The following ITGA9 variants were observed in gnomAD, a reference collection of about 807,000 sequenced individuals.
ITGA9 encodes integrin alpha-9.
A neutral mutation model predicts 127.8 loss-of-function variants in ITGA9; 56 were observed. The observed-to-expected ratio is 0.44, with a 90% CI of 0.35 to 0.55. ITGA9 has a LOEUF of 0.55. ITGA9 is among the 20% of genes least tolerant of loss of function. The pLI, the probability that ITGA9 is intolerant of heterozygous loss-of-function variation, is 0.00. For missense variants in ITGA9, 1,196 were observed against 1,347.1 expected, an observed-to-expected ratio of 0.89 and a Z score of 1.76; for synonymous variants, 508 against 514.5, an observed-to-expected ratio of 0.99 and a Z score of 0.17.
At chr3:37,604,461 C>A (rs1014208121) in intron 15 of ITGA9, among the ~76,000 whole-genome samples, 2 of 152,192 alleles carry the variant, frequency 1.3e-5, no homozygotes, top group African/African-American at 4.8e-5. Flanking sequence ...AATCTATAGG[C>A]TATTGTGTAT....
At chr3:37,695,090 G>T (rs947770499) in intron 18 of ITGA9, among the ~76,000 whole-genome samples, 1 of 152,162 alleles carries the variant, frequency 6.6e-6, no homozygotes, top group Non-Finnish European at 1.5e-5. Flanking sequence ...CCAAGGTACT[G>T]TTCCATCTCC....
rs532384612 is a variant in ITGA9, at chr3:37,510,883, A to G, written c.897+2256A>G. ...TCTACTAGTGTCTCCAACTAGATTTACCCTGTCATCATCGTTCTGCTTTTG... is the reference window on the plus strand; with the variant it reads ...TCTACTAGTGTCTCCAACTAGATTTGCCCTGTCATCATCGTTCTGCTTTTG... On this transcript the variant is annotated intron_variant, in intron 8 of 27. Coordinates refer to ENST00000264741, the MANE Select transcript of ITGA9 (RefSeq NM_002207.3). Among the ~76,000 whole-genome samples the G allele has an allele frequency of 1.1e-4, 17 of 152,224 alleles. No homozygotes were observed. The East Asian group carries it at 3.3e-3, about 29-fold the overall frequency.
intron 13 of ITGA9, among the ~76,000 whole-genome samples, chr3:37,531,535 C>T (rs370904632): frequency 2.0e-5 from 3 of 152,144 alleles, no homozygotes; most frequent in Middle Eastern, 3.2e-3. Flanking sequence ...CTGCAGAGCT[C>T]TTTTGTGAGA....
At chr3:37,678,217 A>T (rs1194455030) in intron 17 of ITGA9, among the ~76,000 whole-genome samples, 1 of 152,216 alleles carries the variant, frequency 6.6e-6, no homozygotes, top group Non-Finnish European at 1.5e-5. Flanking sequence ...TTATATGACA[A>T]TTCTATGTTT....
intron 1 of ITGA9, among the ~76,000 whole-genome samples, chr3:37,456,228 A>G (rs189644033): frequency 6.6e-6 from 1 of 152,318 alleles, no homozygotes; most frequent in Admixed American, 6.5e-5. Context: ...TGACGTTTGT[A>G]TCAGCTAGGA....
chr3:37,623,048 T>C (rs1237503794), intron 15 of ITGA9, among the ~76,000 whole-genome samples: 2 of 152,198 alleles, frequency 1.3e-5, no homozygotes, highest in African/African-American at 2.4e-5. Flanking sequence ...ATATTTCCTA[T>C]TGAGAGAATA....
chr3:37,670,209 G>T (rs1575186956), intron 17 of ITGA9, among the ~76,000 whole-genome samples: 1 of 151,444 alleles, frequency 6.6e-6, no homozygotes, highest in Non-Finnish European at 1.5e-5. Flanking sequence ...GTGGCTCCTT[G>T]TCAGTCCTGA....
At chr3:37,660,710 G>A (rs1020952581) in intron 17 of ITGA9, among the ~76,000 whole-genome samples, 37 of 152,132 alleles carry the variant, frequency 2.4e-4, no homozygotes, top group African/African-American at 8.4e-4. Flanking sequence ...CCCAAAACTC[G>A]ATGATATGAA....
chr3:37,593,926 G>A lies in ITGA9; in HGVS notation c.1690-35261G>A, dbSNP rs113780488. 3.2e-3 allele frequency among the ~76,000 whole-genome samples: 482 copies of A among 151,472 alleles called. 2 individuals carry two copies. Among genetic ancestry groups the A allele is most frequent in the African/African-American group, 0.011 (457 of 41,304 alleles). Reference sequence around the variant, plus strand: ...GCTTTAGGATATGATGCCCAGAAGGGCTCGAAACTGGCATGACTCAGGAGT... The same window carrying A: ...GCTTTAGGATATGATGCCCAGAAGGACTCGAAACTGGCATGACTCAGGAGT... On this transcript the variant is annotated intron_variant, in intron 15 of 27. Coordinates refer to ENST00000264741, the MANE Select transcript of ITGA9 (RefSeq NM_002207.3).
chr3:37,761,959 G>A (rs1696728105), intron 23 of ITGA9, among the ~76,000 whole-genome samples: 1 of 152,236 alleles, frequency 6.6e-6, no homozygotes, highest in Non-Finnish European at 1.5e-5. Context: ...TAAAACTCAT[G>A]AATAATCCAC....
chr3:37,671,278 A>T (rs1187021714), intron 17 of ITGA9, among the ~76,000 whole-genome samples: 1 of 152,224 alleles, frequency 6.6e-6, no homozygotes, highest in Admixed American at 6.5e-5. Context: ...TTCCTCTGTT[A>T]GCTGGGAACC....
At chr3:37,763,760 C>CA (rs1274004564) in intron 23 of ITGA9, among the ~76,000 whole-genome samples, 1 of 152,166 alleles carries the variant, frequency 6.6e-6, no homozygotes, top group African/African-American at 2.4e-5. Flanking sequence ...TAACCCAAAA[C>CA]AAAAATGAAC....
chr3:37,686,930 G>A (rs954352398), intron 18 of ITGA9, among the ~76,000 whole-genome samples: 1 of 152,150 alleles, frequency 6.6e-6, no homozygotes, highest in Non-Finnish European at 1.5e-5. Context: ...GGCTAGTGAG[G>A]GGCACCAGGA....
intron 18 of ITGA9, among the ~76,000 whole-genome samples, chr3:37,703,190 C>T (rs1276223197): frequency 6.6e-6 from 1 of 152,162 alleles, no homozygotes; most frequent in African/African-American, 2.4e-5. Context: ...ACTGATCTGA[C>T]CAATTAGATA....
chr3:37,661,192 G>A (rs1199164318), intron 17 of ITGA9, among the ~76,000 whole-genome samples: 2 of 152,200 alleles, frequency 1.3e-5, no homozygotes, highest in African/African-American at 2.4e-5. Flanking sequence ...CTGATGCCTT[G>A]TTGTTATCAG....
chr3:37,772,653 G>C (rs1012988850), intron 23 of ITGA9, among the ~76,000 whole-genome samples: 1 of 152,158 alleles, frequency 6.6e-6, no homozygotes, highest in African/African-American at 2.4e-5. Flanking sequence ...GACTGAAGGT[G>C]TGACTGCAAT....
chr3:37,498,956 G>C (rs570740184), intron 5 of ITGA9, among the ~76,000 whole-genome samples: 3 of 152,320 alleles, frequency 2.0e-5, no homozygotes, highest in African/African-American at 7.2e-5. Context: ...TGCCTTTTCT[G>C]TGAGCTGTTG....
intron 26 of ITGA9, among the ~76,000 whole-genome samples, chr3:37,802,228 A>C (rs1697243559): frequency 6.8e-6 from 1 of 148,042 alleles, no homozygotes; most frequent in South Asian, 2.1e-4. Flanking sequence ...GATTGCAAAA[A>C]AAAGCATAAA....
At chr3:37,657,200 C>A (rs936656239) in intron 17 of ITGA9, among the ~76,000 whole-genome samples, 1 of 152,118 alleles carries the variant, frequency 6.6e-6, no homozygotes, top group African/African-American at 2.4e-5. Context: ...TGATGCTGGC[C>A]TCATAAAATG....
Sources: gnomAD v4.1 joint callset for allele counts (sites outside exome capture counted in the v4.1 genomes callset) on GRCh38, gnomAD v4.1.1 for gene constraint, MANE v1.5 for transcripts, NCBI Gene and HGNC (gene_info 2026-07-23, HGNC 2026-07-21) for gene names.